The following ADORA2B variants were observed in gnomAD, a reference collection of about 807,000 sequenced individuals.
ADORA2B encodes the protein adenosine A2b receptor, also known as adenosine receptor A2b.
ADORA2B carries 18 observed loss-of-function variants against 20.8 expected under a neutral mutation model. The ratio of observed to expected loss-of-function variants is 0.87; its 90% CI spans 0.60 to 1.29. The LOEUF (loss-of-function observed/expected upper bound fraction) is 1.29. ADORA2B is among the 50% of genes most tolerant of loss of function. ADORA2B has a pLI of 0.00. For missense variants in ADORA2B, 441 were observed against 422.7 expected, an observed-to-expected ratio of 1.04 and a Z score of -0.38; for synonymous variants, 179 against 178.3, an observed-to-expected ratio of 1.00 and a Z score of -0.03.
At chr17:15,939,769 G>A in the ADORA2B span, among the ~76,000 whole-genome samples, 4 of 150,126 alleles carry the variant, frequency 2.7e-5, no homozygotes, top group Non-Finnish European at 5.9e-5. Context: ...GCTGAGGCAG[G>A]AGAATGGCAT....
At chr17:15,913,061 C>A in the ADORA2B span, among the ~76,000 whole-genome samples, 2 of 152,214 alleles carry the variant, frequency 1.3e-5, no homozygotes, top group African/African-American at 4.8e-5. Context: ...AGGCTCCCAA[C>A]GTGCCCCCTG....
In ADORA2B at chr17:15,975,063, G is replaced by A. The variant is rs114426810; in HGVS notation, c.720G>A (p.Val240=). The stretch of plus-strand genomic sequence containing the variant: ...CAGCCAAGTCACTGGCCATGATTGT[G>A]GGGATTTTTGCCCTGTGCTGGTTAC... ...IHAAKSLAMI[V]GIFALCWLPV... The change falls in exon 2 of 2, where the codon GTG becomes GTA. Residue 240 remains valine (V), a synonymous_variant. Transcript: ENST00000304222. The A allele has an allele frequency of 6.1e-4, 979 of 1,614,144 alleles. 5 individuals are homozygous for A. In the African/African-American group the frequency reaches 0.011, roughly 19 times the overall value.
At chr17:15,857,722 C>T in the ADORA2B span, among the ~76,000 whole-genome samples, 1 of 151,830 alleles carries the variant, frequency 6.6e-6, no homozygotes, top group African/African-American at 2.4e-5. Flanking sequence ...CAATTTCTCC[C>T]ATTTGGAACA....
the ADORA2B span, among the ~76,000 whole-genome samples, chr17:15,888,469 T>A: frequency 6.3e-5 from 8 of 127,888 alleles, 3 homozygotes; most frequent in Non-Finnish European, 9.8e-5. Flanking sequence ...GAACTGGCCT[T>A]CTGAGTCCCA....
chr17:15,971,668 C>T (rs1455648657), intron 1 of ADORA2B, among the ~76,000 whole-genome samples: 1 of 132,934 alleles, frequency 7.5e-6, no homozygotes, highest in Non-Finnish European at 1.5e-5. Context: ...CTCACTCTGT[C>T]GCCCAGGTTG....
chr17:15,893,487 TTCCC>T, the ADORA2B span, among the ~76,000 whole-genome samples: 34 of 151,280 alleles, frequency 2.2e-4, no homozygotes, highest in South Asian at 4.2e-4. Flanking sequence ...CCTTCCTTCC[TTCCC>T]TCCCTCCCTC....
intron 1 of ADORA2B, among the ~76,000 whole-genome samples, chr17:15,968,259 T>C (rs998328325): frequency 2.6e-5 from 4 of 152,086 alleles, no homozygotes; most frequent in Non-Finnish European, 5.9e-5. Flanking sequence ...CAACCAAACA[T>C]GACTGAAAAT....
At chr17:15,908,594 C>T in the ADORA2B span, 3 of 194,280 alleles carry the variant, frequency 1.5e-5, no homozygotes, top group South Asian at 3.2e-4. Context: ...GAGCATGATG[C>T]AGTATGTGGC....
the ADORA2B span, among the ~76,000 whole-genome samples, chr17:15,861,414 C>T: frequency 1.3e-5 from 2 of 152,046 alleles, no homozygotes; most frequent in Admixed American, 1.3e-4. Flanking sequence ...TAGGACATTC[C>T]AGCTGGAAGG....
intron 1 of ADORA2B, among the ~76,000 whole-genome samples, chr17:15,950,253 A>C (rs958569514): frequency 2.6e-5 from 4 of 152,178 alleles, no homozygotes; most frequent in Non-Finnish European, 5.9e-5. Flanking sequence ...TGGCCACCAG[A>C]AGCTGGAAGA....
the ADORA2B span, among the ~76,000 whole-genome samples, chr17:15,936,313 ATTTATT>A: frequency 0.026 from 3,996 of 151,332 alleles, 185 homozygotes; most frequent in African/African-American, 0.092. Context: ...TTATTTATTT[ATTTATT>A]TTTATTTTTA....
At chr17:15,932,898 C>T in the ADORA2B span, among the ~76,000 whole-genome samples, 1 of 150,904 alleles carries the variant, frequency 6.6e-6, no homozygotes, top group Non-Finnish European at 1.5e-5. Context: ...AAGGTAAAAA[C>T]CTAAAAATAA....
the ADORA2B span, among the ~76,000 whole-genome samples, chr17:15,935,928 G>A: frequency 0.041 from 6,086 of 148,512 alleles, 439 homozygotes; most frequent in African/African-American, 0.14. Flanking sequence ...GGGTGGTGTC[G>A]TCATTTTGGC....
chr17:15,875,622 C>T, the ADORA2B span, among the ~76,000 whole-genome samples: 1 of 152,180 alleles, frequency 6.6e-6, no homozygotes, highest in East Asian at 1.9e-4. Context: ...CTCACTCTGT[C>T]GCCAGGCTGG....
chr17:15,899,049 G>T, the ADORA2B span, among the ~76,000 whole-genome samples: 3 of 152,072 alleles, frequency 2.0e-5, no homozygotes, highest in South Asian at 6.2e-4. Flanking sequence ...GGCCAACATG[G>T]TGAAACTGTG....
At chr17:15,862,721 T>TA in the ADORA2B span, among the ~76,000 whole-genome samples, 1 of 152,152 alleles carries the variant, frequency 6.6e-6, no homozygotes, top group African/African-American at 2.4e-5. Flanking sequence ...CAGTAAAACT[T>TA]ACGAATGAGT....
upstream of ADORA2B, among the ~76,000 whole-genome samples, chr17:15,943,643 T>C (rs1310650749): frequency 6.6e-6 from 1 of 152,218 alleles, no homozygotes; most frequent in East Asian, 1.9e-4. Context: ...TACAGCTACA[T>C]TGAGATATAA....
the ADORA2B span, among the ~76,000 whole-genome samples, chr17:15,920,913 T>A: frequency 2.0e-5 from 3 of 152,216 alleles, no homozygotes; most frequent in African/African-American, 2.4e-5. Flanking sequence ...TGTAGGCATC[T>A]GGGAGCTCCC....
chr17:15,947,129 T>A (rs1005849914), intron 1 of ADORA2B, among the ~76,000 whole-genome samples: 9 of 152,046 alleles, frequency 5.9e-5, no homozygotes, highest in Non-Finnish European at 1.0e-4. Flanking sequence ...ATGTCTCCCA[T>A]CAGGTGTGAC....
Sources: allele counts gnomAD v4.1 joint callset (sites outside exome capture counted in the v4.1 genomes callset), GRCh38; gene constraint gnomAD v4.1.1; transcripts MANE v1.5; gene names NCBI Gene and HGNC (gene_info 2026-07-23, HGNC 2026-07-21).